The following TMX3 variants were observed in gnomAD, a reference collection of about 807,000 sequenced individuals.
TMX3 encodes protein disulfide-isomerase TMX3.
TMX3 carries 40 observed loss-of-function variants against 64.4 expected under a neutral mutation model. The observed-to-expected ratio is 0.62, with a 90% CI of 0.48 to 0.81. The LOEUF (loss-of-function observed/expected upper bound fraction) is 0.81. TMX3 is among the 30% of genes least tolerant of loss of function. TMX3 has a pLI of 0.00. For missense variants in TMX3, 497 were observed against 534.5 expected, an observed-to-expected ratio of 0.93 and a Z score of 0.69; for synonymous variants, 189 against 175.7, an observed-to-expected ratio of 1.08 and a Z score of -0.60.
intron 13 of TMX3, chr18:68,681,389 GA>G (rs34459731): frequency 2.4e-6 from 2 of 828,798 alleles, no homozygotes; most frequent in Non-Finnish European, 2.9e-6. Context: ...CATATGTATT[GA>G]AAAAAATTCC....
chr18:68,692,387 G>T (rs1205500610), intron 8 of TMX3, among the ~76,000 whole-genome samples: 3 of 152,030 alleles, frequency 2.0e-5, no homozygotes, highest in Non-Finnish European at 4.4e-5. Context: ...TCTCCCGTGT[G>T]TTTTTTTCAA....
intron 7 of TMX3, 183 bp from the exon 8 acceptor site, chr18:68,697,486 C>A: frequency 2.4e-6 from 1 of 417,476 alleles, no homozygotes; most frequent in Non-Finnish European, 4.3e-6. Context: ...CAAAGGCCAA[C>A]GTAATTAAGA....
intron 10 of TMX3, among the ~76,000 whole-genome samples, chr18:68,685,430 A>C (rs1303152485): frequency 6.6e-6 from 1 of 152,190 alleles, no homozygotes; most frequent in East Asian, 1.9e-4. Context: ...TGATGAAAAC[A>C]GTTCACAATG....
Position 68,700,597 on chromosome 18 carries a change from G to A in TMX3, c.312-112C>T, listed in dbSNP as rs533783052. On this transcript the variant is annotated intron_variant, in intron 5 of 15. Transcript: ENST00000299608. Reference sequence around the variant, plus strand: ...TATATTACATAAAATAGTAAATGCAGAGAAGTTTTAGAAGTAGCTCTCATG... The same window carrying A: ...TATATTACATAAAATAGTAAATGCAAAGAAGTTTTAGAAGTAGCTCTCATG... The A allele has an allele frequency of 1.8e-4, 182 of 1,003,814 alleles. No individual in the cohort carries two copies. In the African/African-American group the frequency reaches 3.1e-3, roughly 17 times the overall value. 62.2% of individuals were successfully genotyped at this position (1,003,814 alleles called of 1,614,324 possible).
rs1913223035 is a variant in TMX3 at position 68,679,517 on chromosome 18, A to G, written c.1050T>C (p.Asp350=). Reference sequence around the variant, plus strand: ...TTCTTTTCAATCTCTGCAAAATGCTATCACCTCCTTGGGCCTTCAAAAAAG... The same window carrying G: ...TTCTTTTCAATCTCTGCAAAATGCTGTCACCTCCTTGGGCCTTCAAAAAAG... The part of the protein sequence containing the change: ...LDGTVEAQGG[D]SILQRLKRIV... The change falls in exon 15 of 16, where the codon GAT becomes GAC. Residue 350 remains aspartate, a synonymous_variant. Transcript: ENST00000299608. 4 of 1,611,840 alleles carry G rather than the reference A, an allele frequency of 2.5e-6. No individual in the cohort carries two copies. The highest frequency in any genetic ancestry group is 1.7e-5 in the Admixed American group (1 of 59,764).
intron 9 of TMX3, chr18:68,688,072 T>C (rs1914137952): frequency 5.5e-6 from 1 of 181,912 alleles, no homozygotes; most frequent in Non-Finnish European, 1.1e-5. Context: ...CATTTATAAA[T>C]TTTCAAAAAA....
intron 4 of TMX3, among the ~76,000 whole-genome samples, chr18:68,702,214 T>C (rs2030171708): frequency 6.7e-6 from 1 of 149,086 alleles, no homozygotes. Context: ...CCATCTCTTC[T>C]TTTAGTGTTT....
chr18:68,678,253 T>C (rs932062868), intron 15 of TMX3, among the ~76,000 whole-genome samples: 1 of 152,064 alleles, frequency 6.6e-6, no homozygotes, highest in African/African-American at 2.4e-5. Context: ...CAAAAAATGT[T>C]AGCTATATTT....
chr18:68,674,211 A>C lies in TMX3; in HGVS notation c.*2722T>G, dbSNP rs1027320355. The C allele has an allele frequency of 1.3e-5, 2 of 152,166 alleles. No individual in the cohort carries two copies. Among genetic ancestry groups the C allele is most frequent in the Non-Finnish European group, 2.9e-5 (2 of 68,008 alleles). The allele number at this position is 152,166 out of a possible 1,614,324, so 9.4% of individuals were successfully genotyped here. On this transcript the variant is annotated 3_prime_UTR_variant, in exon 16 of 16. Transcript: ENST00000299608. ...ACCAGGAAGCAACTATGTGAGAAAGAAAATGAAAATTCTAGGTCTAATACA... is the reference window on the plus strand; with the variant it reads ...ACCAGGAAGCAACTATGTGAGAAAGCAAATGAAAATTCTAGGTCTAATACA...
chr18:68,711,092 A>G (rs1334856942), intron 3 of TMX3, among the ~76,000 whole-genome samples: 2 of 152,158 alleles, frequency 1.3e-5, no homozygotes, highest in African/African-American at 4.8e-5. Context: ...ATATAATCCA[A>G]AAGTTGACCT....
At chr18:68,704,762 G>T (rs975028351) in intron 4 of TMX3, among the ~76,000 whole-genome samples, 1 of 152,150 alleles carries the variant, frequency 6.6e-6, no homozygotes, top group East Asian at 1.9e-4. Context: ...GATTCAACAT[G>T]AAGTCTTCTA....
rs183361346 is a variant in TMX3, at chr18:68,691,130, A to G, written c.637+165T>C. On this transcript the variant is annotated intron_variant, in intron 9 of 15. Transcript: ENST00000299608. The stretch of plus-strand genomic sequence containing the variant: ...CTCAGAATAAAAATAACTAACAATT[A>G]TAAGTTGAAGGGTGAAAAAAAACCC... 2,106 of 419,726 alleles carry G rather than the reference A, an allele frequency of 5.0e-3. 18 individuals carry two copies. The highest frequency in any genetic ancestry group is 0.022 in the East Asian group (624 of 28,292). The allele number at this position is 419,726 out of a possible 1,614,324, so 26.0% of individuals were successfully genotyped here. A position where few individuals can be genotyped will look rare whatever the true frequency, so the allele number is the denominator to read the frequency against.
At position 68,677,967 on chromosome 18, in the gene TMX3, A is replaced by G. The variant is rs1480555329; in HGVS notation, c.1105-774T>C. Among the ~76,000 whole-genome samples, 5 of 152,282 alleles carry G rather than the reference A, an allele frequency of 3.3e-5. No homozygotes were observed. In the South Asian group the frequency reaches 1.0e-3, roughly 32 times the overall value. ...AAAAGCTAATATTCAAAAACCAACG[A>G]GGAAAATACTTTAGATGGACAGAGT... is the stretch of plus-strand genomic sequence containing the variant. On this transcript the variant is annotated intron_variant, in intron 15 of 15. Transcript: ENST00000299608.
chr18:68,674,699 T>C lies in TMX3; in HGVS notation c.*2234A>G, dbSNP rs747398189. 2 of 152,090 alleles carry C rather than the reference T, an allele frequency of 1.3e-5. No homozygotes were observed. The highest frequency in any genetic ancestry group is 6.6e-5 in the Admixed American group (1 of 15,266). The allele number at this position is 152,090 out of a possible 1,614,324, so 9.4% of individuals were successfully genotyped here. On this transcript the variant is annotated 3_prime_UTR_variant, in exon 16 of 16. Coordinates refer to ENST00000299608, the MANE Select transcript of TMX3 (RefSeq NM_019022.5). ...CAAATTTTAGAATCTGTTTTGTGAA[T>C]AGTCTGACAATGTAAATAAACATCT...
intron 14 of TMX3, 102 bp downstream of exon 14, chr18:68,680,879 T>A (rs1599296053): frequency 8.3e-7 from 1 of 1,209,186 alleles, no homozygotes; most frequent in East Asian, 2.7e-5. Flanking sequence ...CTACTCCGGG[T>A]GATGGCCAAC....
In TMX3 at chr18:68,687,488, G is replaced by A. The variant is rs309220; in HGVS notation, c.736+179C>T. 0.038 allele frequency: 37,860 copies of A among 984,896 alleles called. 5,963 individuals are homozygous for A. In the African/African-American group the frequency reaches 0.44, roughly 12 times the overall value. 61.0% of individuals were successfully genotyped at this position (984,896 alleles called of 1,614,324 possible). A position where few individuals can be genotyped will look rare whatever the true frequency, so the allele number is the denominator to read the frequency against. On this transcript the variant is annotated intron_variant, in intron 10 of 15. Coordinates refer to ENST00000299608, the MANE Select transcript of TMX3 (RefSeq NM_019022.5). ...CATCTCTTTAATCACTGACCCACAT[G>A]CAAAGGTATATCTTCTGGTAATATC...
chr18:68,692,977 T>G (rs944801437), intron 8 of TMX3, among the ~76,000 whole-genome samples: 1 of 152,210 alleles, frequency 6.6e-6, no homozygotes, highest in African/African-American at 2.4e-5. Flanking sequence ...AAGTGCCAAC[T>G]GCTTGCAAAG....
At chr18:68,707,957 A>G (rs2030851978) in intron 4 of TMX3, among the ~76,000 whole-genome samples, 1 of 150,956 alleles carries the variant, frequency 6.6e-6, no homozygotes, top group African/African-American at 2.5e-5. Context: ...ATGTGTATAT[A>G]TGTGTATATG....
At chr18:68,680,655 C>T (rs901045581) in intron 14 of TMX3, among the ~76,000 whole-genome samples, 1 of 152,092 alleles carries the variant, frequency 6.6e-6, no homozygotes, top group Non-Finnish European at 1.5e-5. Context: ...AAGATTACCC[C>T]ACACAGTGCA....
Sources: gnomAD v4.1 joint callset for allele counts (sites outside exome capture counted in the v4.1 genomes callset) on GRCh38, gnomAD v4.1.1 for gene constraint, MANE v1.5 for transcripts, NCBI Gene and HGNC (gene_info 2026-07-23, HGNC 2026-07-21) for gene names.